AGBL4: variants seen among roughly 807,000 people sequenced by gnomAD.
AGBL4 encodes the protein AGBL carboxypeptidase 4.
In AGBL4, 58 loss-of-function variants were observed where a neutral mutation model predicts 66.4. That is an observed-to-expected ratio of 0.87 (90% confidence interval 0.71 to 1.09). The LOEUF is 1.09. Among genes scored for constraint, AGBL4 ranks in the 50% least tolerant of loss-of-function variants. The pLI is 0.00. For synonymous variants in AGBL4, 234 were observed against 222.9 expected, an observed-to-expected ratio of 1.05 and a Z score of -0.44; for missense variants, 579 against 631.0, an observed-to-expected ratio of 0.92 and a Z score of 0.88.
At position 48,736,139 on chromosome 1, in the gene AGBL4, G is replaced by C; in HGVS notation, c.635-72898C>G. On this transcript the variant is annotated intron_variant, in intron 6 of 13. Coordinates refer to ENST00000371839, the MANE Select transcript of AGBL4 (RefSeq NM_032785.4). The surrounding 1 kb of genome is among the most constrained non-coding windows in gnomAD (Gnocchi z 4.0). ...GGCTCAGCCCAGGGTCTGGCATGCA[G>C]AAGCTTCATAAGTAATCGTTGAATT... is the stretch of plus-strand genomic sequence containing the variant. 1 of 1,372,708 alleles carries C rather than the reference G, an allele frequency of 7.3e-7. No homozygotes were observed. The highest frequency in any genetic ancestry group is 1.0e-6 in the Non-Finnish European group (1 of 973,850). The allele number at this position is 1,372,708 out of a possible 1,614,324, so 85.0% of individuals were successfully genotyped here.
chr1:49,844,351 C>A (rs566834642), intron 2 of AGBL4, among the ~76,000 whole-genome samples: 33 of 152,290 alleles, frequency 2.2e-4, no homozygotes, highest in Admixed American at 5.9e-4. Flanking sequence ...TCTGAGTGCT[C>A]TCTCCCTGGG....
At position 49,752,862 on chromosome 1, in the gene AGBL4, G is replaced by C. The variant is rs534788486; in HGVS notation, c.158-55425C>G. Among the ~76,000 whole-genome samples, 44 of 152,288 alleles carry C rather than the reference G, an allele frequency of 2.9e-4. 2 individuals carry two copies. In the South Asian group the frequency reaches 8.7e-3, roughly 30 times the overall value. On this transcript the variant is annotated intron_variant, in intron 2 of 13. Transcript: ENST00000371839. ...CTCTTTTGATCTTTGTTGGCTTAAA[G>C]TCTGTTTTATCTGAGACTAGGATTG...
chr1:49,633,773 G>A (rs1470565412), intron 3 of AGBL4, among the ~76,000 whole-genome samples: 1 of 150,260 alleles, frequency 6.7e-6, no homozygotes, highest in Non-Finnish European at 1.5e-5. Flanking sequence ...TTAAATACAT[G>A]TATATTTAAA....
intron 6 of AGBL4, among the ~76,000 whole-genome samples, chr1:48,833,418 A>C (rs1646601325): frequency 6.6e-6 from 1 of 152,212 alleles, no homozygotes; most frequent in African/African-American, 2.4e-5. Flanking sequence ...ATTTCTAAGC[A>C]ATGTGTAAAA....
chr1:49,286,894 C>T (rs1239187913), intron 3 of AGBL4, among the ~76,000 whole-genome samples: 6 of 152,022 alleles, frequency 3.9e-5, no homozygotes, highest in South Asian at 4.1e-4. Context: ...AAAAAGAGCC[C>T]GCATCGCCAA....
chr1:48,939,700 TC>T (rs951547834), intron 5 of AGBL4, among the ~76,000 whole-genome samples: 2 of 152,174 alleles, frequency 1.3e-5, no homozygotes, highest in African/African-American at 4.8e-5. Flanking sequence ...GTTTGTCCTT[TC>T]CCTCTCCATG....
chr1:49,127,871 A>G (rs1645797994), intron 4 of AGBL4, among the ~76,000 whole-genome samples: 1 of 152,168 alleles, frequency 6.6e-6, no homozygotes, highest in Admixed American at 6.6e-5. Flanking sequence ...ATAGCCAAAG[A>G]AAAACCAAAG....
intron 1 of AGBL4, among the ~76,000 whole-genome samples, chr1:49,919,064 C>T (rs1228423945): frequency 6.6e-6 from 1 of 152,024 alleles, no homozygotes; most frequent in Non-Finnish European, 1.5e-5. Context: ...TCAATAAATT[C>T]GGTATTGATG....
At chr1:49,858,779 G>A (rs917715096) in intron 1 of AGBL4, among the ~76,000 whole-genome samples, 60 of 152,296 alleles carry the variant, frequency 3.9e-4, no homozygotes, top group Non-Finnish European at 1.0e-4. Flanking sequence ...CACTTTGGGA[G>A]GCTGAGGCGG....
chr1:49,345,011 C>T (rs1645610799), intron 3 of AGBL4, among the ~76,000 whole-genome samples: 1 of 152,130 alleles, frequency 6.6e-6, no homozygotes, highest in African/African-American at 2.4e-5. Context: ...ATTTGACAAA[C>T]TTTCCAAAAT....
intron 5 of AGBL4, among the ~76,000 whole-genome samples, chr1:48,911,785 C>G (rs1290944050): frequency 3.9e-5 from 6 of 152,184 alleles, no homozygotes; most frequent in Non-Finnish European, 8.8e-5. Context: ...TTAGCAATGG[C>G]TGGCTCCAGT....
At chr1:49,861,895 C>A (rs1571736970) in intron 1 of AGBL4, among the ~76,000 whole-genome samples, 1 of 152,176 alleles carries the variant, frequency 6.6e-6, no homozygotes, top group South Asian at 2.1e-4. Flanking sequence ...TTTTGAATAT[C>A]TGAAAAGCCT....
intron 3 of AGBL4, among the ~76,000 whole-genome samples, chr1:49,530,116 G>A (rs998338543): frequency 6.6e-6 from 1 of 151,470 alleles, no homozygotes; most frequent in Non-Finnish European, 1.5e-5. Flanking sequence ...ATTTCTAAGA[G>A]ACTTGACTTC....
intron 1 of AGBL4, among the ~76,000 whole-genome samples, chr1:49,907,015 C>T (rs1164595449): frequency 6.6e-6 from 1 of 152,066 alleles, no homozygotes; most frequent in Non-Finnish European, 1.5e-5. Context: ...TTCATGAGAA[C>T]TATAAAGTTT....
chr1:49,545,028 T>C (rs76663574), intron 3 of AGBL4, among the ~76,000 whole-genome samples: 7,900 of 152,288 alleles, frequency 0.052, 230 homozygotes, highest in African/African-American at 0.066. Context: ...AAAATAGTCC[T>C]AAATTAATCC....
chr1:49,275,982 T>C (rs1644160003), intron 3 of AGBL4, among the ~76,000 whole-genome samples: 1 of 152,104 alleles, frequency 6.6e-6, no homozygotes, highest in Non-Finnish European at 1.5e-5. Flanking sequence ...ATCTGTTAGA[T>C]TGCCACTGCA....
In AGBL4 at chr1:49,947,412, T is replaced by C. The variant is rs569479258; in HGVS notation, c.34+76351A>G. 6.6e-5 allele frequency among the ~76,000 whole-genome samples: 10 copies of C among 152,112 alleles called. No individual in the cohort carries two copies. In the South Asian group the frequency reaches 2.1e-3, roughly 32 times the overall value. ...AACATACACAAGTCAATAAATGTGA[T>C]ACACCACATAAACAATTAAAAACAA... On this transcript the variant is annotated intron_variant, in intron 1 of 13. Coordinates refer to ENST00000371839, the MANE Select transcript of AGBL4 (RefSeq NM_032785.4).
chr1:48,966,032 A>G (rs1245164706), intron 5 of AGBL4, among the ~76,000 whole-genome samples: 1 of 152,128 alleles, frequency 6.6e-6, no homozygotes, highest in African/African-American at 2.4e-5. Context: ...CAGACAAGTT[A>G]CTCAAATGCT....
chr1:49,076,935 C>G (rs1644720275), intron 4 of AGBL4, among the ~76,000 whole-genome samples: 1 of 152,104 alleles, frequency 6.6e-6, no homozygotes, highest in Non-Finnish European at 1.5e-5. Context: ...CTCTCTTTGG[C>G]CAAAACCAAT....
Sources: gnomAD v4.1 joint callset for allele counts (sites outside exome capture counted in the v4.1 genomes callset) on GRCh38, gnomAD v4.1.1 for gene constraint, Gnocchi (gnomAD v3.1) non-coding constraint, MANE v1.5 for transcripts, NCBI Gene and HGNC (gene_info 2026-07-23, HGNC 2026-07-21) for gene names.